The following TCF20 variants were observed in gnomAD, a reference collection of about 807,000 sequenced individuals.
The protein encoded by TCF20 is transcription factor 20, also known as SPRE-binding protein.
Under a neutral mutation model 148.6 loss-of-function variants are expected in TCF20, and 3 were observed. The observed-to-expected ratio is 0.02, with a 90% CI of 0.01 to 0.05. The LOEUF is 0.05. Ranked by LOEUF, TCF20 falls within the 10% of genes least tolerant of loss-of-function variation. TCF20 has a pLI of 1.00. For missense variants in TCF20, 2,350 were observed against 2,429.3 expected, an observed-to-expected ratio of 0.97 and a Z score of 0.69; for synonymous variants, 1,049 against 909.5, an observed-to-expected ratio of 1.15 and a Z score of -2.76.
chr22:42,298,553 C>A (rs1927276005), intron 1 of TCF20, among the ~76,000 whole-genome samples: 1 of 152,200 alleles, frequency 6.6e-6, no homozygotes, highest in Non-Finnish European at 1.5e-5. Context: ...TGGGTCCCAG[C>A]CCTGCTGTCA....
rs1236943503 is a variant in TCF20 at position 42,292,456 on chromosome 22, C to T, written c.-37+51023G>A. The stretch of plus-strand genomic sequence containing the variant: ...GACAGATGAGGAATCCGAGGCAGAG[C>T]TGGGACTCAGCTAGGACCCAGCACA... On this transcript the variant is annotated intron_variant, in intron 1 of 1. Coordinates refer to the TCF20 transcript ENST00000515426. The surrounding 1 kb of genome is among the most constrained non-coding windows in gnomAD (Gnocchi z 4.9). Among the ~76,000 whole-genome samples the T allele has an allele frequency of 6.6e-6, 1 of 152,166 alleles. No homozygotes were observed. Among genetic ancestry groups the T allele is most frequent in the African/African-American group, 2.4e-5 (1 of 41,430 alleles).
intron 1 of TCF20, among the ~76,000 whole-genome samples, chr22:42,231,440 C>T (rs1370119724): frequency 1.3e-5 from 2 of 152,090 alleles, no homozygotes; most frequent in Non-Finnish European, 2.9e-5. Flanking sequence ...TATGACTGTG[C>T]CACTGCACTC....
chr22:42,191,500 G>A (rs187406716), intron 2 of TCF20, among the ~76,000 whole-genome samples: 1 of 152,250 alleles, frequency 6.6e-6, no homozygotes, highest in East Asian at 1.9e-4. Context: ...TATTGGCCAG[G>A]CTGGTCTCGA....
At chr22:42,236,494 CA>C (rs1366565792) in intron 1 of TCF20, among the ~76,000 whole-genome samples, 1 of 152,162 alleles carries the variant, frequency 6.6e-6, no homozygotes, top group African/African-American at 2.4e-5. Flanking sequence ...GACCAATCCC[CA>C]CCCTCCCCAC....
intron 2 of TCF20, among the ~76,000 whole-genome samples, chr22:42,205,924 A>G (rs1938355707): frequency 6.6e-6 from 1 of 152,142 alleles, no homozygotes; most frequent in African/African-American, 2.4e-5. Context: ...GGTGCCTGTC[A>G]CCATGTCCAG....
intron 5 of TCF20, among the ~76,000 whole-genome samples, chr22:42,167,260 C>T (rs1227792111): frequency 6.6e-6 from 1 of 152,194 alleles, no homozygotes. Flanking sequence ...CAGCAGCCCC[C>T]ACTTGACTTC....
chr22:42,282,862 G>A (rs1396878567), intron 1 of TCF20, among the ~76,000 whole-genome samples: 1 of 150,946 alleles, frequency 6.6e-6, no homozygotes, highest in East Asian at 2.0e-4. Flanking sequence ...AATGCAAGAA[G>A]CACACGCCAG....
At chr22:42,307,708 C>G (rs775521061) in intron 1 of TCF20, among the ~76,000 whole-genome samples, 2 of 152,222 alleles carry the variant, frequency 1.3e-5, no homozygotes, top group Non-Finnish European at 2.9e-5. Context: ...ACCATCGCAG[C>G]GGAAGACGAG....
rs73887973 is a variant in TCF20 at position 42,220,114 on chromosome 22, A to G, written c.-36-4773T>C. ...GACCTTGCCCTCTTATAGAAAACCA[A>G]CATTGGCTTTCTCTGTCCTTCTTCC... On this transcript the variant is annotated intron_variant, in intron 1 of 5. Coordinates refer to ENST00000677622, the MANE Select transcript of TCF20 (RefSeq NM_001378418.1). 4.7e-3 allele frequency among the ~76,000 whole-genome samples: 719 copies of G among 152,212 alleles called. 3 individuals carry two copies. The highest frequency in any genetic ancestry group is 0.015 in the African/African-American group (635 of 41,526).
intron 1 of TCF20, among the ~76,000 whole-genome samples, chr22:42,323,907 G>A (rs1401514650): frequency 7.4e-5 from 10 of 134,260 alleles, no homozygotes; most frequent in Non-Finnish European, 1.1e-4. Context: ...TGGTGGAGGT[G>A]GTGGTGGTGA....
At chr22:42,341,783 G>C (rs7285654) in intron 1 of TCF20, among the ~76,000 whole-genome samples, 6 of 149,640 alleles carry the variant, frequency 4.0e-5, no homozygotes, top group African/African-American at 1.2e-4. Context: ...GGGTGGGCGG[G>C]GGGGGCAAGA....
At chr22:42,224,172 G>C (rs575239133) in intron 1 of TCF20, among the ~76,000 whole-genome samples, 2 of 152,126 alleles carry the variant, frequency 1.3e-5, no homozygotes, top group African/African-American at 4.8e-5. Flanking sequence ...GGATAAATTT[G>C]TAACTATTAC....
In TCF20 at chr22:42,214,964, A is replaced by C; in HGVS notation, c.342T>G (p.Pro114=). Residue 114 remains proline, a synonymous_variant, in exon 2 of 6, where the codon CCT becomes CCG. Transcript: ENST00000677622. ...PQPPQRRPSG[P]VQSYGPPQGS... ...CCTGGGGGGGTCCATAGCTCTGCAC[A>C]GGCCCAGAAGGCCTTCGCTGAGGAG... 1 of 1,614,236 alleles carries C rather than the reference A, an allele frequency of 6.2e-7. No homozygotes were observed. The highest frequency in any genetic ancestry group is 8.5e-7 in the Non-Finnish European group (1 of 1,180,042).
chr22:42,270,765 G>A (rs940809989), upstream of TCF20, among the ~76,000 whole-genome samples: 4 of 145,046 alleles, frequency 2.8e-5, no homozygotes, highest in Non-Finnish European at 6.1e-5. Flanking sequence ...GGGCGCTGGG[G>A]GCGGGGCCGG....
At chr22:42,328,158 C>T (rs754468941) in intron 1 of TCF20, among the ~76,000 whole-genome samples, 2 of 152,196 alleles carry the variant, frequency 1.3e-5, no homozygotes, top group Non-Finnish European at 2.9e-5. Flanking sequence ...CCCTCCCAGG[C>T]TCAGCCATGC....
intron 1 of TCF20, among the ~76,000 whole-genome samples, chr22:42,223,084 G>A (rs1922529035): frequency 6.6e-6 from 1 of 152,198 alleles, no homozygotes. Flanking sequence ...GGGAGGCAGA[G>A]GTTGCAGTGA....
intron 2 of TCF20, among the ~76,000 whole-genome samples, chr22:42,196,787 C>T (rs1937617159): frequency 6.6e-6 from 1 of 152,196 alleles, no homozygotes; most frequent in African/African-American, 2.4e-5. Flanking sequence ...AATGCCTCCA[C>T]CGCTGAACAA....
rs1935398537 is a variant in TCF20, at chr22:42,160,810, G to A, written c.*593C>T. On this transcript the variant is annotated 3_prime_UTR_variant, in exon 6 of 6. Transcript: ENST00000677622. ...TTAATGACAAAAGGATGGTTCTGCT[G>A]TGGTTTGCTTTTTCAATCCTGGGTC... The A allele has an allele frequency of 6.6e-6, 1 of 151,914 alleles. No homozygotes were observed. The highest frequency in any genetic ancestry group is 1.5e-5 in the Non-Finnish European group (1 of 68,088). The allele number at this position is 151,914 out of a possible 1,614,324, so 9.4% of individuals were successfully genotyped here.
intron 1 of TCF20, among the ~76,000 whole-genome samples, chr22:42,298,716 T>G (rs1927278986): frequency 6.6e-6 from 1 of 152,262 alleles, no homozygotes; most frequent in Admixed American, 6.5e-5. Flanking sequence ...TTTGCCCTAA[T>G]TTCATCTATC....
Sources: allele counts gnomAD v4.1 joint callset (sites outside exome capture counted in the v4.1 genomes callset), GRCh38; gene constraint gnomAD v4.1.1; non-coding constraint Gnocchi (gnomAD v3.1); transcripts MANE v1.5; gene names NCBI Gene and HGNC (gene_info 2026-07-23, HGNC 2026-07-21).